The following SNX2 variants were observed in gnomAD, a reference collection of about 807,000 sequenced individuals.
The protein encoded by SNX2 is sorting nexin 2.
A neutral mutation model predicts 69.9 loss-of-function variants in SNX2; 25 were observed. That is an observed-to-expected ratio of 0.36 (90% confidence interval 0.26 to 0.50). The LOEUF is 0.50. Among genes scored for constraint, SNX2 ranks in the 20% least tolerant of loss-of-function variants. The pLI is 0.97. For missense variants in SNX2, 551 were observed against 613.3 expected (o/e 0.90, Z 1.07); for synonymous variants, 229 against 200.4 (o/e 1.14, Z -1.20).
At chr5:122,798,578 C>A (rs1753438061) in intron 2 of SNX2, among the ~76,000 whole-genome samples, 1 of 152,160 alleles carries the variant, frequency 6.6e-6, no homozygotes, top group Non-Finnish European at 1.5e-5. Context: ...AATCTAAGGA[C>A]CTCAGGTTAG....
In SNX2 at chr5:122,775,252, C is replaced by T. The variant is rs1437365208; in HGVS notation, c.108+41C>T. 2.6e-6 allele frequency: 4 copies of T among 1,521,248 alleles called. No individual in the cohort carries two copies. The African/African-American group carries it at 4.2e-5, about 16-fold the overall frequency. The allele number at this position is 1,521,248 out of a possible 1,614,324, so 94.2% of individuals were successfully genotyped here. A position where few individuals can be genotyped will look rare whatever the true frequency, so the allele number is the denominator to read the frequency against. ...TGCGGGTGCTGCGCTGCGTAGCTGCCGCGCGTCTCACCTTTCCCCTGCCCC... is the reference window on the plus strand; with the variant it reads ...TGCGGGTGCTGCGCTGCGTAGCTGCTGCGCGTCTCACCTTTCCCCTGCCCC... On this transcript the variant is annotated intron_variant, in intron 1 of 14. Coordinates refer to ENST00000379516, the MANE Select transcript of SNX2 (RefSeq NM_003100.4).
At chr5:122,806,142 G>GCTCACGCGCACACACACACACACACACA in intron 6 of SNX2, among the ~76,000 whole-genome samples, 1 of 130,584 alleles carries the variant, frequency 7.7e-6, no homozygotes. Context: ...ACACGCGCGC[G>GCTCACGCGCACACACACACACACACACA]CACACACACA....
At chr5:122,814,186 C>T (rs888882522) in intron 7 of SNX2, among the ~76,000 whole-genome samples, 5 of 152,302 alleles carry the variant, frequency 3.3e-5, no homozygotes, top group African/African-American at 9.6e-5. Flanking sequence ...GCAACTTATG[C>T]AAACTGCCTT....
chr5:122,822,715 G>C (rs1443728018), intron 11 of SNX2, among the ~76,000 whole-genome samples: 2 of 152,152 alleles, frequency 1.3e-5, no homozygotes, highest in Non-Finnish European at 2.9e-5. Context: ...AACTATAAGA[G>C]TTGGCTGTAT....
At chr5:122,817,810 G>C (rs772822727) in intron 10 of SNX2, among the ~76,000 whole-genome samples, 5 of 152,004 alleles carry the variant, frequency 3.3e-5, no homozygotes, top group Non-Finnish European at 5.9e-5. Flanking sequence ...TTTGTTTTGT[G>C]TGTCTATTTC....
At chr5:122,819,640 T>A (rs1023839642) in intron 11 of SNX2, among the ~76,000 whole-genome samples, 8 of 152,342 alleles carry the variant, frequency 5.3e-5, no homozygotes, top group Admixed American at 3.9e-4. Context: ...TTTCAGACAG[T>A]TAAACTGAAC....
intron 7 of SNX2, among the ~76,000 whole-genome samples, chr5:122,810,399 TAAAAAAA>T (rs928838303): frequency 8.2e-6 from 1 of 122,460 alleles, no homozygotes; most frequent in Admixed American, 8.2e-5. Flanking sequence ...AATGATCAAT[TAAAAAAA>T]AAAAAAAAAA....
chr5:122,802,522 C>T (rs1281658301), intron 5 of SNX2, among the ~76,000 whole-genome samples: 1 of 152,172 alleles, frequency 6.6e-6, no homozygotes, highest in African/African-American at 2.4e-5. Flanking sequence ...GTATTATGAG[C>T]AGCCACATTT....
intron 2 of SNX2, among the ~76,000 whole-genome samples, chr5:122,797,382 A>G (rs1423066664): frequency 6.6e-6 from 1 of 152,254 alleles, no homozygotes; most frequent in African/African-American, 2.4e-5. Context: ...TAACCCAAAA[A>G]TAGAAACATT....
At chr5:122,806,932 A>G (rs527695079) in intron 6 of SNX2, among the ~76,000 whole-genome samples, 1 of 152,358 alleles carries the variant, frequency 6.6e-6, no homozygotes, top group East Asian at 1.9e-4. Context: ...ATGGTTTTAC[A>G]TAATCCATTT....
chr5:122,778,562 G>A (rs1282037379), intron 1 of SNX2, among the ~76,000 whole-genome samples: 5 of 152,222 alleles, frequency 3.3e-5, no homozygotes, highest in Middle Eastern at 3.4e-3. Flanking sequence ...AGGGTGGAGT[G>A]CAGTGGTTTG....
At chr5:122,806,711 C>T (rs576841615) in intron 6 of SNX2, among the ~76,000 whole-genome samples, 1 of 152,092 alleles carries the variant, frequency 6.6e-6, no homozygotes, top group Admixed American at 6.5e-5. Flanking sequence ...AAGAACTACC[C>T]AGTGGTGAGA....
intron 14 of SNX2, among the ~76,000 whole-genome samples, chr5:122,828,413 T>G (rs2150019134): frequency 6.6e-6 from 1 of 152,296 alleles, no homozygotes; most frequent in South Asian, 2.1e-4. Context: ...AAAGGAATTG[T>G]TTTAAACATG....
At chr5:122,827,309 A>G in intron 12 of SNX2, 70 bp from the exon 13 acceptor site, 6 of 1,244,728 alleles carry the variant, frequency 4.8e-6, no homozygotes, top group Non-Finnish European at 3.5e-6. Context: ...TGATTAAATT[A>G]AGTGAGTGGT....
At position 122,829,786 on chromosome 5, in the gene SNX2, A is replaced by G; in HGVS notation, c.*138A>G. 2 of 377,290 alleles carry G rather than the reference A, an allele frequency of 5.3e-6. No individual in the cohort carries two copies. Among genetic ancestry groups the G allele is most frequent in the South Asian group, 3.6e-5 (1 of 27,982 alleles). The allele number at this position is 377,290 out of a possible 1,614,324, so 23.4% of individuals were successfully genotyped here. A position where few individuals can be genotyped will look rare whatever the true frequency, so the allele number is the denominator to read the frequency against. ...CATGTGGTTTTATATACACACACAC[A>G]CACACACACACACACACACACACAC... On this transcript the variant is annotated 3_prime_UTR_variant, in exon 15 of 15. Coordinates refer to ENST00000379516, the MANE Select transcript of SNX2 (RefSeq NM_003100.4).
intron 5 of SNX2, 133 bp from the exon 6 acceptor site, chr5:122,803,334 CTATAT>C (rs1164877683): frequency 2.8e-6 from 2 of 718,194 alleles, no homozygotes; most frequent in Non-Finnish European, 4.3e-6. Context: ...AGTTAGAAAC[CTATAT>C]ACCACATTAG....
At chr5:122,791,004 A>G (rs866126463) in intron 1 of SNX2, among the ~76,000 whole-genome samples, 2 of 152,156 alleles carry the variant, frequency 1.3e-5, no homozygotes, top group African/African-American at 4.8e-5. Context: ...GGCTTTTTGT[A>G]GATATTCTTT....
At chr5:122,827,907 T>A (rs1332897326) in intron 14 of SNX2, 18 of 349,550 alleles carry the variant, frequency 5.1e-5, no homozygotes, top group Non-Finnish European at 8.8e-5. Context: ...ATGGGCAACT[T>A]TCCCCTTTCA....
chr5:122,828,541 AT>A (rs547748488), intron 14 of SNX2, among the ~76,000 whole-genome samples: 1 of 144,994 alleles, frequency 6.9e-6, no homozygotes. Flanking sequence ...CTTATATCCC[AT>A]TTTTTTTTGT....
Sources: gnomAD v4.1 joint callset for allele counts (sites outside exome capture counted in the v4.1 genomes callset) on GRCh38, gnomAD v4.1.1 for gene constraint, MANE v1.5 for transcripts, NCBI Gene and HGNC (gene_info 2026-07-23, HGNC 2026-07-21) for gene names.